The following MED27 variants were observed in gnomAD, a reference collection of about 807,000 sequenced individuals.
MED27 encodes mediator complex subunit 27, also known as mediator of RNA polymerase II transcription subunit 27.
MED27 carries 30 observed loss-of-function variants against 38.2 expected under a neutral mutation model. The observed-to-expected ratio is 0.79, with a 90% CI of 0.59 to 1.07. The LOEUF (loss-of-function observed/expected upper bound fraction) is 1.07. Ranked by LOEUF, MED27 falls within the 50% of genes least tolerant of loss-of-function variation. MED27 has a pLI of 0.00. For missense variants in MED27, 289 were observed against 397.5 expected (o/e 0.73, Z 2.32); for synonymous variants, 122 against 153.5 (o/e 0.79, Z 1.52).
At chr9:131,987,705 A>G (rs1831884365) in intron 3 of MED27, among the ~76,000 whole-genome samples, 1 of 152,240 alleles carries the variant, frequency 6.6e-6, no homozygotes, top group African/African-American at 2.4e-5. Flanking sequence ...TCAGGAGGAC[A>G]ATATTTTGAC....
chr9:131,895,649 C>T (rs1829819499), intron 4 of MED27, among the ~76,000 whole-genome samples: 1 of 152,164 alleles, frequency 6.6e-6, no homozygotes, highest in Admixed American at 6.5e-5. Flanking sequence ...CATTTATTTA[C>T]ATTTAAGGGA....
At chr9:131,875,437 C>T (rs540387412) in intron 6 of MED27, among the ~76,000 whole-genome samples, 2 of 152,254 alleles carry the variant, frequency 1.3e-5, no homozygotes, top group South Asian at 2.1e-4. Flanking sequence ...CCAGCCTATA[C>T]CCTGAGCCAC....
In MED27 at chr9:131,904,181, G is replaced by A. The variant is rs187081639; in HGVS notation, c.574-10189C>T. 1.9e-3 allele frequency among the ~76,000 whole-genome samples: 289 copies of A among 152,282 alleles called. 3 individuals are homozygous for A. The highest frequency in any genetic ancestry group is 0.017 in the Middle Eastern group (5 of 294). On this transcript the variant is annotated intron_variant, in intron 4 of 7. Coordinates refer to ENST00000292035, the MANE Select transcript of MED27 (RefSeq NM_004269.4). ...CCCAAAGTGCTGGGATTACAGGCGT[G>A]AGCCACTGCGACCAGCCCAGCTATT...
chr9:131,955,524 A>C (rs899620229), intron 3 of MED27, among the ~76,000 whole-genome samples: 1 of 152,228 alleles, frequency 6.6e-6, no homozygotes, highest in Non-Finnish European at 1.5e-5. Flanking sequence ...AGACTGATCA[A>C]GAGCAAAAAG....
intron 3 of MED27, among the ~76,000 whole-genome samples, chr9:131,961,508 G>A (rs1309432811): frequency 6.6e-6 from 1 of 152,218 alleles, no homozygotes; most frequent in Non-Finnish European, 1.5e-5. Flanking sequence ...AGTATCAGCA[G>A]GACTTGGAAA....
rs201329898 is a variant in MED27, at chr9:131,905,728, C to A, written c.574-11736G>T. Among the ~76,000 whole-genome samples, 269 of 113,260 alleles carry A rather than the reference C, an allele frequency of 2.4e-3. 1 individual carries two copies. Among genetic ancestry groups the A allele is most frequent in the African/African-American group, 3.6e-3 (105 of 29,260 alleles). The allele number at this position is 113,260 out of a possible 152,430, so 74.3% of individuals were successfully genotyped here. On this transcript the variant is annotated intron_variant, in intron 4 of 7. Coordinates refer to ENST00000292035, the MANE Select transcript of MED27 (RefSeq NM_004269.4). ...AAAAAAAAAAAAAAAAAAAAAAAAA[C>A]AGAAAAAGAAAAAGAAAAAGAAAAG...
At chr9:131,918,559 A>T (rs1830333731) in intron 4 of MED27, among the ~76,000 whole-genome samples, 1 of 152,268 alleles carries the variant, frequency 6.6e-6, no homozygotes, top group African/African-American at 2.4e-5. Context: ...GACACAAAAT[A>T]AAAACTATGT....
intron 3 of MED27, among the ~76,000 whole-genome samples, chr9:131,953,301 C>T (rs1831034730): frequency 6.6e-6 from 1 of 152,212 alleles, no homozygotes; most frequent in Non-Finnish European, 1.5e-5. Context: ...ACTGTAGCCA[C>T]AAAGTAGTCC....
At chr9:131,910,911 C>T (rs992110618) in intron 4 of MED27, among the ~76,000 whole-genome samples, 13 of 152,102 alleles carry the variant, frequency 8.5e-5, no homozygotes, top group Admixed American at 5.9e-4. Flanking sequence ...CTATCCCTCC[C>T]CACCCCCCAC....
chr9:132,067,280 T>A (rs1833829506), intron 2 of MED27, among the ~76,000 whole-genome samples: 1 of 152,084 alleles, frequency 6.6e-6, no homozygotes, highest in African/African-American at 2.4e-5. Flanking sequence ...TGGCCCAAAG[T>A]CTCAGGGCTA....
At chr9:132,001,091 T>C (rs944059770) in intron 3 of MED27, among the ~76,000 whole-genome samples, 1 of 151,304 alleles carries the variant, frequency 6.6e-6, no homozygotes, top group African/African-American at 2.4e-5. Context: ...CAAAGCAACA[T>C]CCTGCCTCAA....
chr9:132,042,290 A>C (rs1488108520), intron 2 of MED27, among the ~76,000 whole-genome samples: 3 of 152,222 alleles, frequency 2.0e-5, no homozygotes, highest in Non-Finnish European at 2.9e-5. Flanking sequence ...AAAGGCTTTC[A>C]CTGAAACAGT....
chr9:131,931,827 A>C (rs965673068), intron 4 of MED27, among the ~76,000 whole-genome samples: 5 of 152,236 alleles, frequency 3.3e-5, no homozygotes, highest in Non-Finnish European at 5.9e-5. Flanking sequence ...ATATATATAC[A>C]ACCAACAATG....
At chr9:131,930,974 G>A (rs11515765) in intron 4 of MED27, among the ~76,000 whole-genome samples, 15,749 of 152,154 alleles carry the variant, frequency 0.1, 1,069 homozygotes, top group South Asian at 0.18. Flanking sequence ...GGCTGGGCAC[G>A]GTGGCTCATG....
intron 6 of MED27, among the ~76,000 whole-genome samples, chr9:131,865,222 G>C (rs1838716559): frequency 6.6e-6 from 1 of 152,168 alleles, no homozygotes; most frequent in African/African-American, 2.4e-5. Context: ...TCCTTCGAAT[G>C]CCAAGACTGC....
intron 4 of MED27, among the ~76,000 whole-genome samples, chr9:131,924,859 AT>A (rs1809757037): frequency 6.6e-6 from 1 of 152,210 alleles, no homozygotes; most frequent in Non-Finnish European, 1.5e-5. Context: ...AGTGTGTTAA[AT>A]TAATTCATAT....
intron 3 of MED27, among the ~76,000 whole-genome samples, chr9:131,941,558 A>G (rs1830785920): frequency 1.3e-5 from 2 of 152,146 alleles, no homozygotes; most frequent in South Asian, 2.1e-4. Flanking sequence ...AGTGGTAAAC[A>G]ACGACAACAG....
At chr9:131,948,584 A>G (rs1830929635) in intron 3 of MED27, among the ~76,000 whole-genome samples, 1 of 152,196 alleles carries the variant, frequency 6.6e-6, no homozygotes. Flanking sequence ...GCAAGACTAG[A>G]CGTACTGCAG....
intron 3 of MED27, among the ~76,000 whole-genome samples, chr9:131,944,462 G>A (rs1589225973): frequency 6.6e-6 from 1 of 151,864 alleles, no homozygotes; most frequent in African/African-American, 2.4e-5. Context: ...AAGGCTTTCT[G>A]GGGTCCATGA....
Sources: gnomAD v4.1 joint callset for allele counts (sites outside exome capture counted in the v4.1 genomes callset) on GRCh38, gnomAD v4.1.1 for gene constraint, MANE v1.5 for transcripts, NCBI Gene and HGNC (gene_info 2026-07-23, HGNC 2026-07-21) for gene names.